The following AUTS2 variants were observed in gnomAD, a reference collection of about 807,000 sequenced individuals.
AUTS2 encodes the protein activator of transcription and developmental regulator AUTS2, also known as autism susceptibility gene 2 protein.
A neutral mutation model predicts 112.4 loss-of-function variants in AUTS2; 17 were observed. The ratio of observed to expected loss-of-function variants is 0.15; its 90% CI spans 0.10 to 0.23. The LOEUF (loss-of-function observed/expected upper bound fraction) is 0.23. AUTS2 is among the 10% of genes least tolerant of loss of function. AUTS2 has a pLI of 1.00. For synonymous variants in AUTS2, 751 were observed against 702.7 expected (o/e 1.07, Z -1.09); for missense variants, 1,510 against 1,701.6 (o/e 0.89, Z 1.98).
chr7:70,082,097 T>C (rs1386705939), intron 2 of AUTS2, among the ~76,000 whole-genome samples: 4 of 152,060 alleles, frequency 2.6e-5, no homozygotes, highest in African/African-American at 7.2e-5. Flanking sequence ...AGGGGACATA[T>C]TATGAACGTT....
chr7:70,313,849 C>T (rs547146681), intron 4 of AUTS2, among the ~76,000 whole-genome samples: 11 of 152,254 alleles, frequency 7.2e-5, no homozygotes, highest in African/African-American at 1.9e-4. Context: ...CCCGTGGAGA[C>T]GTGGGAATGG....
At chr7:70,003,151 T>C (rs1418705775) in intron 2 of AUTS2, among the ~76,000 whole-genome samples, 1 of 140,758 alleles carries the variant, frequency 7.1e-6, no homozygotes, top group Admixed American at 7.7e-5. Flanking sequence ...TATATGACTA[T>C]ATTATATATA....
chr7:70,430,151 A>G (rs1452139489), intron 4 of AUTS2, among the ~76,000 whole-genome samples: 1 of 152,190 alleles, frequency 6.6e-6, no homozygotes, highest in African/African-American at 2.4e-5. Flanking sequence ...ACGTGGGGTG[A>G]GAGAGGAAGA....
intron 1 of AUTS2, among the ~76,000 whole-genome samples, chr7:69,632,575 C>CTCTCCCCTCTCCCCTCTGCCT (rs1407984389): frequency 8.1e-5 from 12 of 147,550 alleles, no homozygotes; most frequent in Non-Finnish European, 1.4e-4. Flanking sequence ...CCCCTCTCCC[C>CTCTCCCCTCTCCCCTCTGCCT]TCTCCCCTCT....
intron 4 of AUTS2, among the ~76,000 whole-genome samples, chr7:70,196,969 TATG>T (rs1373337061): frequency 6.6e-6 from 1 of 152,232 alleles, no homozygotes. Flanking sequence ...TTTGGCTAAA[TATG>T]AAGAAGAAAG....
chr7:70,001,991 G>A (rs544311608), intron 2 of AUTS2, among the ~76,000 whole-genome samples: 2 of 152,112 alleles, frequency 1.3e-5, no homozygotes, highest in Admixed American at 6.6e-5. Context: ...GATTACAGGC[G>A]TGAGCCACCA....
At chr7:70,674,981 G>T (rs1284562990) in intron 5 of AUTS2, among the ~76,000 whole-genome samples, 1 of 152,162 alleles carries the variant, frequency 6.6e-6, no homozygotes, top group Non-Finnish European at 1.5e-5. Flanking sequence ...CTCCTGGCAT[G>T]TGACTTGATG....
chr7:70,353,577 C>T (rs1205728857), intron 4 of AUTS2, among the ~76,000 whole-genome samples: 1 of 152,144 alleles, frequency 6.6e-6, no homozygotes, highest in African/African-American at 2.4e-5. Flanking sequence ...TTCTCCTTCC[C>T]CATGTTTTAG....
chr7:70,137,174 G>C (rs1367320931), intron 4 of AUTS2, among the ~76,000 whole-genome samples: 5 of 152,174 alleles, frequency 3.3e-5, no homozygotes. Flanking sequence ...GAAGATTTGA[G>C]AAATGAGAAC....
chr7:69,876,318 T>A (rs1793736690), intron 1 of AUTS2, among the ~76,000 whole-genome samples: 2 of 73,244 alleles, frequency 2.7e-5, no homozygotes, highest in African/African-American at 5.8e-5. Context: ...GGAGCGAGAC[T>A]CTGTCTCAAA....
intron 5 of AUTS2, among the ~76,000 whole-genome samples, chr7:70,555,237 G>A (rs1801198594): frequency 6.6e-6 from 1 of 152,216 alleles, no homozygotes; most frequent in Admixed American, 6.5e-5. Flanking sequence ...GACCCTGTTG[G>A]AGGAAGCATT....
chr7:70,069,810 G>A (rs1439761074), intron 2 of AUTS2, among the ~76,000 whole-genome samples: 2 of 150,074 alleles, frequency 1.3e-5, no homozygotes, highest in Non-Finnish European at 3.0e-5. Context: ...TATTAAATAT[G>A]CTGGTTCAGC....
intron 1 of AUTS2, among the ~76,000 whole-genome samples, chr7:69,601,376 G>A (rs550881496): frequency 6.6e-6 from 1 of 151,936 alleles, no homozygotes; most frequent in Admixed American, 6.5e-5. Context: ...TCTCACATAC[G>A]GTAACTGTAC....
At chr7:70,194,100 G>T (rs1367882408) in intron 4 of AUTS2, among the ~76,000 whole-genome samples, 1 of 152,288 alleles carries the variant, frequency 6.6e-6, no homozygotes, top group East Asian at 1.9e-4. Flanking sequence ...TTTATAACTG[G>T]GCAAATGTAA....
chr7:69,923,024 T>C (rs1212836575), intron 2 of AUTS2, among the ~76,000 whole-genome samples: 1 of 152,208 alleles, frequency 6.6e-6, no homozygotes, highest in Non-Finnish European at 1.5e-5. Flanking sequence ...TATCACAGAT[T>C]GGTATGCGTT....
intron 5 of AUTS2, among the ~76,000 whole-genome samples, chr7:70,696,879 T>TC (rs1002270375): frequency 2.6e-5 from 4 of 151,820 alleles, no homozygotes; most frequent in Non-Finnish European, 4.4e-5. Flanking sequence ...GGCTTTTTTT[T>TC]CCCCTTCTAT....
intron 3 of AUTS2, among the ~76,000 whole-genome samples, chr7:70,122,905 C>T (rs1051280439): frequency 1.0e-4 from 13 of 124,214 alleles, no homozygotes; most frequent in Non-Finnish European, 1.8e-4. Flanking sequence ...CACGGAGTTT[C>T]GCTCTTGTTG....
intron 5 of AUTS2, among the ~76,000 whole-genome samples, chr7:70,534,613 A>G (rs1800235418): frequency 6.6e-6 from 1 of 152,104 alleles, no homozygotes; most frequent in African/African-American, 2.4e-5. Flanking sequence ...TTTAGTAGAG[A>G]AGGGGTTTCG....
intron 4 of AUTS2, among the ~76,000 whole-genome samples, chr7:70,313,372 A>G (rs1360795451): frequency 3.9e-5 from 6 of 152,230 alleles, no homozygotes; most frequent in African/African-American, 1.4e-4. Flanking sequence ...TTAGCTAAAG[A>G]CAATGTACTT....
Sources: allele counts gnomAD v4.1 joint callset (sites outside exome capture counted in the v4.1 genomes callset), GRCh38; gene constraint gnomAD v4.1.1; transcripts MANE v1.5; gene names NCBI Gene and HGNC (gene_info 2026-07-23, HGNC 2026-07-21).